ADGRL3: variants seen among roughly 807,000 people sequenced by gnomAD.
ADGRL3 encodes the protein calcium-independent alpha-latrotoxin receptor 3.
ADGRL3 carries 62 observed loss-of-function variants against 153.5 expected under a neutral mutation model. The observed-to-expected ratio is 0.40, with a 90% CI of 0.33 to 0.50. ADGRL3 has a LOEUF of 0.50. ADGRL3 is among the 20% of genes least tolerant of loss of function. The pLI, the probability that ADGRL3 is intolerant of heterozygous loss-of-function variation, is 0.47. For synonymous variants in ADGRL3, 710 were observed against 672.5 expected (o/e 1.06, Z -0.86); for missense variants, 1,641 against 1,859.4 (o/e 0.88, Z 2.16).
At chr4:62,051,517 ATCT>A (rs1734208958) in intron 25 of ADGRL3, among the ~76,000 whole-genome samples, 4 of 151,214 alleles carry the variant, frequency 2.6e-5, no homozygotes, top group East Asian at 1.9e-4. Flanking sequence ...GAAAAAAAAA[ATCT>A]TCTTATTGCT....
chr4:61,380,681 G>A (rs1250437237), intron 1 of ADGRL3, among the ~76,000 whole-genome samples: 1 of 151,734 alleles, frequency 6.6e-6, no homozygotes, highest in African/African-American at 2.4e-5. Flanking sequence ...TGTCGCTTTC[G>A]AACGATATGG....
intron 5 of ADGRL3, among the ~76,000 whole-genome samples, chr4:61,610,093 T>A (rs2099047167): frequency 6.6e-6 from 1 of 151,660 alleles, no homozygotes; most frequent in African/African-American, 2.4e-5. Context: ...TGAAAAGAAT[T>A]AATTATATTT....
chr4:61,721,390 CT>C (rs2096241793), intron 6 of ADGRL3, among the ~76,000 whole-genome samples: 1 of 152,140 alleles, frequency 6.6e-6, no homozygotes, highest in South Asian at 2.1e-4. Flanking sequence ...AGCTGAAGAA[CT>C]TGTAGTGTGA....
chr4:61,350,634 G>A (rs1292358275), intron 1 of ADGRL3, among the ~76,000 whole-genome samples: 2 of 151,848 alleles, frequency 1.3e-5, no homozygotes, highest in Non-Finnish European at 2.9e-5. Context: ...GTCACATTTT[G>A]GTAATTACTA....
intron 8 of ADGRL3, among the ~76,000 whole-genome samples, chr4:61,749,954 G>A (rs1312366098): frequency 2.6e-5 from 4 of 152,068 alleles, no homozygotes; most frequent in East Asian, 1.9e-4. Flanking sequence ...TGTAGAAGCA[G>A]TAGTTGAAAT....
rs2098838060 is a variant in ADGRL3 at position 61,571,379 on chromosome 4, G to T, written c.260-15848G>T. Reference sequence around the variant, plus strand: ...TAAAATAAAATTAGCTTGGTATGGTGACACCCACCTTTAGTCCCAGCTACT... The same window carrying T: ...TAAAATAAAATTAGCTTGGTATGGTTACACCCACCTTTAGTCCCAGCTACT... On this transcript the variant is annotated intron_variant, in intron 4 of 26. Transcript: ENST00000683033. Among the ~76,000 whole-genome samples the T allele has an allele frequency of 1.3e-5, 2 of 151,826 alleles. 1 individual carries two copies. The highest frequency in any genetic ancestry group is 4.2e-4 in the South Asian group (2 of 4,818).
intron 6 of ADGRL3, among the ~76,000 whole-genome samples, chr4:61,686,614 T>C (rs1423046603): frequency 6.6e-6 from 1 of 152,108 alleles, no homozygotes; most frequent in Admixed American, 6.6e-5. Context: ...TATACAGCAC[T>C]TCAGAAATTA....
intron 11 of ADGRL3, among the ~76,000 whole-genome samples, chr4:61,896,200 A>G (rs2098630545): frequency 6.6e-6 from 1 of 152,196 alleles, no homozygotes; most frequent in South Asian, 2.1e-4. Context: ...CTACCTTTGG[A>G]ATCTTAAGCC....
intron 17 of ADGRL3, among the ~76,000 whole-genome samples, chr4:61,958,998 C>A (rs905031379): frequency 2.0e-5 from 3 of 152,096 alleles, no homozygotes; most frequent in Non-Finnish European, 4.4e-5. Context: ...CTCTTTTAGA[C>A]CCAAAAGTAA....
intron 8 of ADGRL3, among the ~76,000 whole-genome samples, chr4:61,747,340 C>A (rs1407368640): frequency 6.6e-5 from 10 of 151,968 alleles, no homozygotes; most frequent in Admixed American, 5.2e-4. Context: ...AAGAGGGAAT[C>A]CTCCCTAACT....
At chr4:62,045,989 T>G (rs888079038) in intron 25 of ADGRL3, among the ~76,000 whole-genome samples, 5 of 152,072 alleles carry the variant, frequency 3.3e-5, no homozygotes, top group African/African-American at 1.2e-4. Context: ...ATTCTAACTT[T>G]TTGACATTAC....
chr4:61,620,126 A>C (rs1364506198), intron 5 of ADGRL3, among the ~76,000 whole-genome samples: 1 of 151,898 alleles, frequency 6.6e-6, no homozygotes, highest in Non-Finnish European at 1.5e-5. Flanking sequence ...ATGCGAGGGT[A>C]TCTTTTATGA....
intron 17 of ADGRL3, among the ~76,000 whole-genome samples, chr4:61,951,295 G>A (rs1006503182): frequency 1.3e-5 from 2 of 152,094 alleles, no homozygotes; most frequent in African/African-American, 4.8e-5. Context: ...AGAATCCCCA[G>A]AGTTCTGCAC....
intron 5 of ADGRL3, among the ~76,000 whole-genome samples, chr4:61,652,263 TG>T (rs1184251886): frequency 6.6e-6 from 1 of 152,194 alleles, no homozygotes. Context: ...AATAGGATTT[TG>T]TTCATATTAT....
intron 1 of ADGRL3, among the ~76,000 whole-genome samples, chr4:61,264,597 C>G (rs1165342956): frequency 6.6e-6 from 1 of 151,946 alleles, no homozygotes; most frequent in Non-Finnish European, 1.5e-5. Context: ...GTATATTACA[C>G]AAAGGTTTGC....
At chr4:61,366,429 A>G (rs2096398357) in intron 1 of ADGRL3, among the ~76,000 whole-genome samples, 1 of 152,186 alleles carries the variant, frequency 6.6e-6, no homozygotes, top group Non-Finnish European at 1.5e-5. Flanking sequence ...AAATAACAAG[A>G]TGTTGCATTG....
chr4:61,404,584 C>A (rs995801990), intron 2 of ADGRL3, among the ~76,000 whole-genome samples: 18 of 151,964 alleles, frequency 1.2e-4, no homozygotes, highest in Non-Finnish European at 1.9e-4. Flanking sequence ...GTGGAGGATA[C>A]CTCAGGTGGG....
chr4:61,852,810 TTTTA>T (rs145148534), intron 9 of ADGRL3, among the ~76,000 whole-genome samples: 1,939 of 149,624 alleles, frequency 0.013, 18 homozygotes, highest in Middle Eastern at 0.035. Flanking sequence ...ACTCATCATC[TTTTA>T]TTTATTTATT....
At chr4:61,707,433 T>G (rs2095874969) in intron 6 of ADGRL3, among the ~76,000 whole-genome samples, 1 of 152,158 alleles carries the variant, frequency 6.6e-6, no homozygotes, top group African/African-American at 2.4e-5. Flanking sequence ...GAAATATGCC[T>G]GTGCTAATAC....
Sources: allele counts gnomAD v4.1 joint callset (sites outside exome capture counted in the v4.1 genomes callset), GRCh38; gene constraint gnomAD v4.1.1; transcripts MANE v1.5; gene names NCBI Gene and HGNC (gene_info 2026-07-23, HGNC 2026-07-21).